The following PTK2 variants were observed in gnomAD, a reference collection of about 807,000 sequenced individuals.
The protein encoded by PTK2 is protein tyrosine kinase 2.
In PTK2, 45 loss-of-function variants were observed where a neutral mutation model predicts 150.1. The ratio of observed to expected loss-of-function variants is 0.30; its 90% CI spans 0.24 to 0.38. The LOEUF (loss-of-function observed/expected upper bound fraction) is 0.38. PTK2 is among the 10% of genes least tolerant of loss of function. PTK2 has a pLI of 1.00. For missense variants in PTK2, 919 were observed against 1,307.3 expected, an observed-to-expected ratio of 0.70 and a Z score of 4.58; for synonymous variants, 432 against 449.2, an observed-to-expected ratio of 0.96 and a Z score of 0.48.
chr8:140,658,542 A>G (rs931663470), exon 32 of PTK2: 1 of 195,232 alleles, frequency 5.1e-6, no homozygotes, highest in African/African-American at 2.3e-5. Context: ...GTAACTGGAC[A>G]TCAAAAGAAA....
intron 1 of PTK2, among the ~76,000 whole-genome samples, chr8:140,950,606 C>T (rs962186811): frequency 2.6e-5 from 4 of 152,322 alleles, no homozygotes; most frequent in Admixed American, 2.0e-4. Flanking sequence ...CATGCCAAGC[C>T]GAGTAGGCGA....
chr8:140,747,361 T>A (rs923047675), intron 17 of PTK2: 18 of 131,360 alleles, frequency 1.4e-4, no homozygotes, highest in Admixed American at 1.1e-3. Flanking sequence ...AGGTAACCTC[T>A]AAGAAAAATC....
chr8:140,803,458 T>C, intron 11 of PTK2, 85 bp downstream of exon 11: 1 of 1,105,288 alleles, frequency 9.0e-7, no homozygotes, highest in South Asian at 1.3e-5. Context: ...CATAAAAACT[T>C]CATCCTTTTC....
intron 30 of PTK2, among the ~76,000 whole-genome samples, 168 bp downstream of exon 34, chr8:140,668,101 T>G (rs960077992): frequency 2.0e-5 from 3 of 152,188 alleles, no homozygotes; most frequent in African/African-American, 7.2e-5. Flanking sequence ...TCAGAATAAC[T>G]GCAGTTCTCA....
Position 140,782,237 on chromosome 8 carries a change from T to C in PTK2, c.1177+7237A>G, listed in dbSNP as rs527988120. On this transcript the variant is annotated intron_variant, in intron 14 of 31. Transcript: ENST00000522684. ...CAAAAATGAATTTATCTTTTAAAAT[T>C]TGGTTGTTTTTTTTTTTGGGGGGGG... Among the ~76,000 whole-genome samples, 69 of 134,318 alleles carry C rather than the reference T, an allele frequency of 5.1e-4. 1 individual carries two copies. The highest frequency in any genetic ancestry group is 1.1e-4 in the Non-Finnish European group (7 of 65,816). 88.1% of individuals were successfully genotyped at this position (134,318 alleles called of 152,430 possible).
intron 16 of PTK2, among the ~76,000 whole-genome samples, chr8:140,755,456 C>T (rs572601303): frequency 4.1e-4 from 63 of 152,192 alleles, no homozygotes; most frequent in Non-Finnish European, 7.2e-4. Flanking sequence ...TGGTGGTGTA[C>T]TGTCCTGCCC....
chr8:140,764,302 G>T lies in PTK2; in HGVS notation c.1178-12C>A, dbSNP rs777934770. 6.9e-6 allele frequency: 11 copies of T among 1,599,860 alleles called. No individual in the cohort carries two copies. The highest frequency in any genetic ancestry group is 9.4e-6 in the Non-Finnish European group (11 of 1,168,594). On this transcript the variant is annotated splice_polypyrimidine_tract_variant and intron_variant, in intron 14 of 31. Transcript: ENST00000522684. ...ATAATCATCTGTTTCTGCAGGAAAA[G>T]AAACAGATATGTTGAAAGAGGTTAA...
chr8:140,781,587 A>C (rs1595382200), intron 14 of PTK2, among the ~76,000 whole-genome samples: 1 of 152,092 alleles, frequency 6.6e-6, no homozygotes, highest in South Asian at 2.1e-4. Flanking sequence ...TCCACTTTAA[A>C]TTTTTGTTGT....
chr8:140,888,345 C>G (rs772308827), intron 3 of PTK2, among the ~76,000 whole-genome samples: 10 of 152,134 alleles, frequency 6.6e-5, no homozygotes, highest in Non-Finnish European at 1.5e-4. Context: ...TGAATAATAT[C>G]CAATCTTCCA....
chr8:140,728,126 G>A, intron 22 of PTK2, among the ~76,000 whole-genome samples: 1 of 71,500 alleles, frequency 1.4e-5, no homozygotes, highest in East Asian at 4.1e-4. Flanking sequence ...TTGAAGCAGG[G>A]AGGTGGTGGT....
chr8:140,835,065 C>T (rs1441290819), intron 7 of PTK2, among the ~76,000 whole-genome samples: 1 of 152,192 alleles, frequency 6.6e-6, no homozygotes, highest in Non-Finnish European at 1.5e-5. Flanking sequence ...TCCCCACCTG[C>T]ACCAGCTGAC....
chr8:140,717,603 G>C (rs776268765), exon 23 of PTK2: 6 of 1,612,056 alleles, frequency 3.7e-6, no homozygotes, highest in Non-Finnish European at 5.1e-6. Context: ...GCTACCTTGG[G>C]CGGTGCTTCA....
chr8:140,890,109 T>C (rs948270002), intron 3 of PTK2, among the ~76,000 whole-genome samples: 1 of 152,188 alleles, frequency 6.6e-6, no homozygotes, highest in African/African-American at 2.4e-5. Flanking sequence ...CCTAGCACAG[T>C]GCCTGACACA....
At chr8:140,791,439 A>G (rs2100088359) in intron 13 of PTK2, among the ~76,000 whole-genome samples, 1 of 152,216 alleles carries the variant, frequency 6.6e-6, no homozygotes, top group Admixed American at 6.5e-5. Context: ...ATGAACCTCT[A>G]TCAGACACTG....
At chr8:140,756,860 G>A (rs922645693) in intron 16 of PTK2, among the ~76,000 whole-genome samples, 4 of 149,702 alleles carry the variant, frequency 2.7e-5, no homozygotes, top group Admixed American at 6.6e-5. Flanking sequence ...GTGGTGGTGG[G>A]CGCTTGTAGT....
chr8:140,849,247 C>G (rs1347393612), intron 5 of PTK2, among the ~76,000 whole-genome samples: 1 of 152,148 alleles, frequency 6.6e-6, no homozygotes, highest in African/African-American at 2.4e-5. Flanking sequence ...CGTGTCCTCC[C>G]CTCAAGCCCC....
At chr8:140,831,515 T>C (rs1384255856) in intron 7 of PTK2, among the ~76,000 whole-genome samples, 1 of 152,260 alleles carries the variant, frequency 6.6e-6, no homozygotes, top group African/African-American at 2.4e-5. Context: ...TGTCAGTTTA[T>C]TTGGTTGATA....
intron 23 of PTK2, among the ~76,000 whole-genome samples, chr8:140,715,361 G>C (rs1488625529): frequency 6.6e-6 from 1 of 151,344 alleles, no homozygotes; most frequent in Non-Finnish European, 1.5e-5. Flanking sequence ...TAGTAGAGAC[G>C]GGGTTTCACC....
At chr8:140,843,497 C>T (rs1409433791) in intron 7 of PTK2, among the ~76,000 whole-genome samples, 1 of 151,616 alleles carries the variant, frequency 6.6e-6, no homozygotes, top group Non-Finnish European at 1.5e-5. Flanking sequence ...TATTCTTTTT[C>T]CCCAGCCACT....
Sources: allele counts gnomAD v4.1 joint callset (sites outside exome capture counted in the v4.1 genomes callset), GRCh38; gene constraint gnomAD v4.1.1; transcripts MANE v1.5; gene names NCBI Gene and HGNC (gene_info 2026-07-23, HGNC 2026-07-21).